PPP4R3A: variants seen among roughly 807,000 people sequenced by gnomAD.
PPP4R3A encodes the protein protein phosphatase 4 regulatory subunit 3A.
A neutral mutation model predicts 91.7 loss-of-function variants in PPP4R3A; 15 were observed. That is an observed-to-expected ratio of 0.16 (90% CI 0.11 to 0.25). The LOEUF (loss-of-function observed/expected upper bound fraction) is 0.25, where lower values mean the gene tolerates loss of function less well. Ranked by LOEUF, PPP4R3A falls within the 10% of genes least tolerant of loss-of-function variation. The pLI is 1.00. For missense variants in PPP4R3A, 623 were observed against 998.4 expected (o/e 0.62, Z 5.07); for synonymous variants, 377 against 348.7 (o/e 1.08, Z -0.91).
intron 1 of PPP4R3A, among the ~76,000 whole-genome samples, chr14:91,507,516 A>ATAT (rs1566660765): frequency 6.5e-5 from 9 of 138,102 alleles, no homozygotes; most frequent in African/African-American, 2.5e-4. Flanking sequence ...CTATAATTAT[A>ATAT]TATACTATAG....
chr14:91,489,565 A>G (rs1436093193), intron 2 of PPP4R3A, among the ~76,000 whole-genome samples: 1 of 152,236 alleles, frequency 6.6e-6, no homozygotes, highest in Non-Finnish European at 1.5e-5. Context: ...TTATCACCCA[A>G]AAACCTATAG....
intron 1 of PPP4R3A, among the ~76,000 whole-genome samples, chr14:91,492,813 A>G (rs1318379137): frequency 2.0e-5 from 3 of 152,094 alleles, no homozygotes; most frequent in African/African-American, 7.2e-5. Flanking sequence ...TCTTTATCCA[A>G]CTTTTGCCAG....
chr14:91,509,130 T>A (rs1417906307), intron 1 of PPP4R3A, among the ~76,000 whole-genome samples: 1 of 152,178 alleles, frequency 6.6e-6, no homozygotes, highest in Non-Finnish European at 1.5e-5. Context: ...GCTTTACAGA[T>A]GGGTGAACTA....
chr14:91,465,116 A>G, intron 11 of PPP4R3A, 134 bp downstream of exon 11: 1 of 681,474 alleles, frequency 1.5e-6, no homozygotes, highest in South Asian at 3.5e-5. Flanking sequence ...CAAATCTCTC[A>G]CAGGCTTTTA....
At chr14:91,459,886 G>C (rs559845885) in intron 14 of PPP4R3A, among the ~76,000 whole-genome samples, 1 of 151,712 alleles carries the variant, frequency 6.6e-6, no homozygotes, top group South Asian at 2.1e-4. Context: ...GAGACCACCA[G>C]AAATGAGGGT....
chr14:91,509,849 C>T lies in PPP4R3A; in HGVS notation c.-202G>A, dbSNP rs564639711. ...AGCTCTGGGCCGCCGCCTTTCCTCG[C>T]CTCCGGCTCCCCGGCGCTATTGTCC... On this transcript the variant is annotated 5_prime_UTR_variant, in exon 1 of 15. Transcript: ENST00000554943. 5 of 1,156,752 alleles carry T rather than the reference C, an allele frequency of 4.3e-6. No homozygotes were observed. In the South Asian group the frequency reaches 2.0e-4, roughly 47 times the overall value. 71.7% of individuals were successfully genotyped at this position (1,156,752 alleles called of 1,614,324 possible). A position where few individuals can be genotyped will look rare whatever the true frequency, so the allele number is the denominator to read the frequency against.
chr14:91,472,065 CAAAAA>C (rs549919322), intron 9 of PPP4R3A, among the ~76,000 whole-genome samples: 3 of 70,282 alleles, frequency 4.3e-5, no homozygotes, highest in Admixed American at 3.6e-4. Context: ...ATTCTGTCTC[CAAAAA>C]AAAAAAAAAA....
intron 1 of PPP4R3A, among the ~76,000 whole-genome samples, chr14:91,495,987 T>C (rs941667954): frequency 5.3e-5 from 8 of 152,254 alleles, no homozygotes; most frequent in African/African-American, 1.9e-4. Flanking sequence ...ATTCATACAA[T>C]GGATACCACG....
chr14:91,467,699 T>C (rs370458606), intron 10 of PPP4R3A, among the ~76,000 whole-genome samples: 2 of 152,184 alleles, frequency 1.3e-5, no homozygotes, highest in East Asian at 3.8e-4. Context: ...ATCTAGCCTA[T>C]AAAGACCGAG....
chr14:91,507,225 G>A (rs891589600), intron 1 of PPP4R3A, among the ~76,000 whole-genome samples: 7 of 151,206 alleles, frequency 4.6e-5, no homozygotes, highest in African/African-American at 1.7e-4. Flanking sequence ...GGAGGCTGAG[G>A]TAGGAGAATT....
chr14:91,507,397 AC>A (rs1891398059), intron 1 of PPP4R3A, among the ~76,000 whole-genome samples: 1 of 52,166 alleles, frequency 1.9e-5, no homozygotes, highest in East Asian at 3.0e-4. Context: ...TAGTATATGT[AC>A]TATAATTATA....
At chr14:91,495,302 A>ATGTATGTGTGTGTGTGTGTGTGTGTGTG (rs1555437569) in intron 1 of PPP4R3A, among the ~76,000 whole-genome samples, 1 of 140,870 alleles carries the variant, frequency 7.1e-6, no homozygotes, top group Non-Finnish European at 1.5e-5. Flanking sequence ...CAGATACATA[A>ATGTATGTGTGTGTGTGTGTGTGTGTGTG]TGTGTGTGTG....
At chr14:91,485,794 CA>C in intron 2 of PPP4R3A, 64 bp from the exon 3 acceptor site, 2 of 1,105,178 alleles carry the variant, frequency 1.8e-6, no homozygotes, top group Non-Finnish European at 2.6e-6. Flanking sequence ...AATGAACAAA[CA>C]AAAGGAAATA....
chr14:91,486,905 CAA>C (rs769201002), intron 2 of PPP4R3A, among the ~76,000 whole-genome samples: 5 of 86,894 alleles, frequency 5.8e-5, no homozygotes, highest in African/African-American at 9.4e-5. Context: ...ACTCTGTCTC[CAA>C]AAAAAAAAAA....
intron 1 of PPP4R3A, among the ~76,000 whole-genome samples, chr14:91,498,176 A>C (rs897430214): frequency 1.2e-4 from 19 of 152,252 alleles, no homozygotes; most frequent in African/African-American, 4.3e-4. Flanking sequence ...CTCTACTAAA[A>C]ATATAAAAAT....
At position 91,482,888 on chromosome 14, in the gene PPP4R3A, A is replaced by T. The variant is rs546477699; in HGVS notation, c.298-695T>A. On this transcript the variant is annotated intron_variant, in intron 3 of 14. Coordinates refer to ENST00000554943, the MANE Select transcript of PPP4R3A (RefSeq NM_001366432.2). Reference sequence around the variant, plus strand: ...TACCTACATAAAAATGAAGCCACATATAAAGTAAATACAACCTATATGTAG... The same window carrying T: ...TACCTACATAAAAATGAAGCCACATTTAAAGTAAATACAACCTATATGTAG... Among the ~76,000 whole-genome samples, 3 of 152,318 alleles carry T rather than the reference A, an allele frequency of 2.0e-5. No homozygotes were observed. The South Asian group carries it at 6.2e-4, about 32-fold the overall frequency.
chr14:91,493,746 T>C (rs1362973511), intron 1 of PPP4R3A, among the ~76,000 whole-genome samples: 2 of 149,712 alleles, frequency 1.3e-5, no homozygotes, highest in African/African-American at 5.1e-5. Flanking sequence ...TCATAAAGTA[T>C]ATAAAGTACA....
At chr14:91,461,162 G>A (rs1053885087) in intron 14 of PPP4R3A, among the ~76,000 whole-genome samples, 4 of 152,044 alleles carry the variant, frequency 2.6e-5, no homozygotes, top group African/African-American at 9.7e-5. Flanking sequence ...ACCCAAGTGA[G>A]AATTCACACT....
At chr14:91,498,774 C>T (rs1410664575) in intron 1 of PPP4R3A, among the ~76,000 whole-genome samples, 5 of 151,616 alleles carry the variant, frequency 3.3e-5, no homozygotes, top group African/African-American at 9.7e-5. Flanking sequence ...ATTAGCCAGG[C>T]GTGGTGGTGG....
Sources: allele counts gnomAD v4.1 joint callset (sites outside exome capture counted in the v4.1 genomes callset), GRCh38; gene constraint gnomAD v4.1.1; transcripts MANE v1.5; gene names NCBI Gene and HGNC (gene_info 2026-07-23, HGNC 2026-07-21).